NYAP2: variants seen among roughly 807,000 people sequenced by gnomAD.
NYAP2 encodes the protein neuronal tyrosine-phosphorylated phosphoinositide-3-kinase adapter 2.
A neutral mutation model predicts 50.4 loss-of-function variants in NYAP2; 23 were observed. That is an observed-to-expected ratio of 0.46 (90% CI 0.33 to 0.65). The LOEUF is 0.65. NYAP2 is among the 30% of genes least tolerant of loss of function. NYAP2 has a pLI of 0.02. For synonymous variants in NYAP2, 394 were observed against 365.2 expected (o/e 1.08, Z -0.90); for missense variants, 885 against 861.0 (o/e 1.03, Z -0.35).
intron 3 of NYAP2, among the ~76,000 whole-genome samples, chr2:225,453,737 G>A (rs1202713912): frequency 1.3e-5 from 2 of 151,066 alleles, no homozygotes; most frequent in South Asian, 2.1e-4. Context: ...GTGTGATCTC[G>A]GCTCACTGCA....
intron 4 of NYAP2, among the ~76,000 whole-genome samples, chr2:225,575,683 G>A (rs1342751595): frequency 4.6e-5 from 7 of 152,302 alleles, no homozygotes; most frequent in African/African-American, 1.2e-4. Flanking sequence ...GGGAGAAAGT[G>A]GAAGCTGCCA....
rs1693661974 is a variant in NYAP2, at chr2:225,647,970, A to C, written c.1829-3462A>C. Among the ~76,000 whole-genome samples the C allele has an allele frequency of 1.2e-4, 4 of 33,472 alleles. No individual in the cohort carries two copies. In the South Asian group the frequency reaches 3.3e-3, roughly 28 times the overall value. 22.0% of individuals were successfully genotyped at this position (33,472 alleles called of 152,430 possible). On this transcript the variant is annotated intron_variant, in intron 6 of 6. Transcript: ENST00000636099. The stretch of plus-strand genomic sequence containing the variant: ...ATTATATATATATGTGTGTGCATAC[A>C]TATGTGTGTGTGCATATGTATGTAT...
intron 4 of NYAP2, among the ~76,000 whole-genome samples, chr2:225,530,946 C>T (rs1691244674): frequency 6.6e-6 from 1 of 152,200 alleles, no homozygotes; most frequent in Non-Finnish European, 1.5e-5. Context: ...CTCATTCAGG[C>T]CATCATGTTT....
chr2:225,663,847 C>T, the NYAP2 span, among the ~76,000 whole-genome samples: 6 of 152,136 alleles, frequency 3.9e-5, no homozygotes, highest in African/African-American at 9.7e-5. Flanking sequence ...TGAACCACTG[C>T]GCCCGGCCCT....
chr2:225,551,265 T>C (rs1370656110), intron 4 of NYAP2, among the ~76,000 whole-genome samples: 1 of 152,210 alleles, frequency 6.6e-6, no homozygotes, highest in Non-Finnish European at 1.5e-5. Context: ...AATGGGAAAT[T>C]AGCAAATATG....
rs527877103 is a variant in NYAP2, at chr2:225,613,401, C to T, written c.1619-13516C>T. On this transcript the variant is annotated intron_variant, in intron 5 of 6. Coordinates refer to ENST00000636099, the Ensembl canonical transcript of NYAP2. ...TGCTGGCAGCTGATTGGATGGTGCC[C>T]ACCCACATTGAGGGTGGGTCTTCCT... Among the ~76,000 whole-genome samples the T allele has an allele frequency of 9.9e-5, 15 of 152,254 alleles. No homozygotes were observed. In the South Asian group the frequency reaches 3.1e-3, roughly 32 times the overall value.
intron 5 of NYAP2, among the ~76,000 whole-genome samples, chr2:225,602,177 A>G (rs895462714): frequency 2.6e-5 from 4 of 152,196 alleles, no homozygotes; most frequent in African/African-American, 9.6e-5. Context: ...TGACTGGTCT[A>G]TGGGCCATCT....
chr2:225,416,940 T>C (rs1032018225), intron 3 of NYAP2, among the ~76,000 whole-genome samples: 1 of 152,186 alleles, frequency 6.6e-6, no homozygotes, highest in East Asian at 1.9e-4. Context: ...GCAAATTGAA[T>C]GATTAAACAG....
intron 6 of NYAP2, among the ~76,000 whole-genome samples, chr2:225,629,175 T>A (rs1424625980): frequency 6.6e-6 from 1 of 152,166 alleles, no homozygotes; most frequent in African/African-American, 2.4e-5. Flanking sequence ...TAAGTCCCAA[T>A]CTGAGTCAAA....
At chr2:225,650,636 A>G (rs928639760) in intron 6 of NYAP2, among the ~76,000 whole-genome samples, 6 of 152,260 alleles carry the variant, frequency 3.9e-5, no homozygotes, top group Non-Finnish European at 7.3e-5. Flanking sequence ...TAGGCACTCA[A>G]AAACCAACAG....
intron 3 of NYAP2, among the ~76,000 whole-genome samples, chr2:225,425,628 G>T (rs1695276031): frequency 6.6e-6 from 1 of 152,186 alleles, no homozygotes; most frequent in Non-Finnish European, 1.5e-5. Flanking sequence ...TTTTCTAAGA[G>T]ACCTATCTAA....
intron 4 of NYAP2, among the ~76,000 whole-genome samples, chr2:225,570,213 A>G (rs1428368261): frequency 6.6e-6 from 1 of 152,180 alleles, no homozygotes; most frequent in Non-Finnish European, 1.5e-5. Flanking sequence ...GAATGCCACA[A>G]AAGGGTGTTA....
chr2:225,626,536 C>A (rs562913679), intron 5 of NYAP2, among the ~76,000 whole-genome samples: 3 of 152,134 alleles, frequency 2.0e-5, no homozygotes, highest in Non-Finnish European at 4.4e-5. Flanking sequence ...ATAAAAGGCA[C>A]TAGGTGATGT....
intron 2 of NYAP2, among the ~76,000 whole-genome samples, chr2:225,404,308 A>G (rs188297559): frequency 3.9e-4 from 59 of 152,076 alleles, no homozygotes; most frequent in African/African-American, 1.4e-3. Flanking sequence ...GCAGGAAACT[A>G]TAGAAAAAGA....
intron 3 of NYAP2, among the ~76,000 whole-genome samples, chr2:225,461,491 C>T (rs1210263473): frequency 6.6e-6 from 1 of 152,206 alleles, no homozygotes; most frequent in Non-Finnish European, 1.5e-5. Flanking sequence ...TAGTGGAAGA[C>T]TGAGTGAGTT....
chr2:225,448,874 A>G lies in NYAP2; in HGVS notation c.221+39773A>G, dbSNP rs145972777. Reference sequence around the variant, plus strand: ...TGATCTTTATTTATATTCATGGCCCATGGGTTTGTGTATATTCAGATCTGC... The same window carrying G: ...TGATCTTTATTTATATTCATGGCCCGTGGGTTTGTGTATATTCAGATCTGC... On this transcript the variant is annotated intron_variant, in intron 3 of 6. Transcript: ENST00000636099. Among the ~76,000 whole-genome samples the G allele has an allele frequency of 7.0e-3, 1,069 of 152,266 alleles. 11 individuals are homozygous for G. Among genetic ancestry groups the G allele is most frequent in the African/African-American group, 0.024 (993 of 41,556 alleles).
intron 3 of NYAP2, among the ~76,000 whole-genome samples, chr2:225,442,619 A>G (rs1443816626): frequency 2.0e-5 from 3 of 152,150 alleles, no homozygotes; most frequent in African/African-American, 7.2e-5. Flanking sequence ...TCTATTGCCC[A>G]GGCTGGAGTG....
intron 3 of NYAP2, among the ~76,000 whole-genome samples, chr2:225,425,875 G>T (rs1235727322): frequency 6.6e-6 from 1 of 152,054 alleles, no homozygotes; most frequent in Non-Finnish European, 1.5e-5. Context: ...TCATATAAGT[G>T]TATTATTTTC....
At chr2:225,617,334 C>A (rs1421061888) in intron 5 of NYAP2, among the ~76,000 whole-genome samples, 1 of 152,042 alleles carries the variant, frequency 6.6e-6, no homozygotes, top group Non-Finnish European at 1.5e-5. Flanking sequence ...GAGGCTGAGG[C>A]AGGAGAATTG....
Sources: gnomAD v4.1 joint callset for allele counts (sites outside exome capture counted in the v4.1 genomes callset) on GRCh38, gnomAD v4.1.1 for gene constraint, MANE v1.5 for transcripts, NCBI Gene and HGNC (gene_info 2026-07-23, HGNC 2026-07-21) for gene names.